Variants in PAPSS2 observed in about 807,000 individuals in gnomAD.
PAPSS2 encodes the protein 3'-phosphoadenosine 5'-phosphosulfate synthase 2, also known as bifunctional 3'-phosphoadenosine 5'-phosphosulfate synthase 2.
In PAPSS2, 61 loss-of-function variants were observed where a neutral mutation model predicts 66.5. The ratio of observed to expected loss-of-function variants is 0.92; its 90% CI spans 0.75 to 1.14. The LOEUF is 1.14. Ranked by LOEUF, PAPSS2 falls within the 50% of genes most tolerant of loss-of-function variation. The pLI is 0.00. For synonymous variants in PAPSS2, 289 were observed against 287.5 expected (o/e 1.01, Z -0.05); for missense variants, 708 against 789.6 (o/e 0.90, Z 1.24).
At chr10:87,709,114 T>A in intron 1 of PAPSS2, 82 bp from the exon 2 acceptor site, 1 of 919,526 alleles carries the variant, frequency 1.1e-6, no homozygotes, top group Non-Finnish European at 1.8e-6. Context: ...AATTAAAAGT[T>A]TAAGATGGAT....
intron 1 of PAPSS2, among the ~76,000 whole-genome samples, chr10:87,671,153 C>T (rs1394546079): frequency 1.3e-5 from 2 of 152,118 alleles, no homozygotes; most frequent in African/African-American, 4.8e-5. Flanking sequence ...AGCTGGAACA[C>T]AAGTGCCATG....
chr10:87,693,637 GT>G (rs1485636916), intron 1 of PAPSS2, among the ~76,000 whole-genome samples: 2 of 152,194 alleles, frequency 1.3e-5, no homozygotes, highest in African/African-American at 4.8e-5. Context: ...CAGTTCGGTC[GT>G]TTATTTAGAT....
intron 1 of PAPSS2, among the ~76,000 whole-genome samples, chr10:87,664,046 A>C (rs553193826): frequency 6.6e-6 from 1 of 152,202 alleles, no homozygotes; most frequent in African/African-American, 2.4e-5. Flanking sequence ...ACCTAGTACT[A>C]CAGGTGCACA....
chr10:87,676,849 G>A (rs1159314584), intron 1 of PAPSS2, among the ~76,000 whole-genome samples: 3 of 110,140 alleles, frequency 2.7e-5, no homozygotes, highest in Non-Finnish European at 5.0e-5. Flanking sequence ...CTCCAGTCTG[G>A]ATGACAGAAT....
At position 87,660,009 on chromosome 10, in the gene PAPSS2, G is replaced by A. The variant is rs753173395; in HGVS notation, c.27+1G>A. 3 of 1,612,812 alleles carry A rather than the reference G, an allele frequency of 1.9e-6. No individual in the cohort carries two copies. In the South Asian group the frequency reaches 3.3e-5, roughly 18 times the overall value. ...GTCGGGGATCAAGAAGCAAAAGACG[G>A]TAGGCTTCCAGGCGCCGGCTTCCCT... is the stretch of plus-strand genomic sequence containing the variant. On this transcript the variant is annotated splice_donor_variant, in intron 1 of 12. Coordinates refer to ENST00000456849, the MANE Select transcript of PAPSS2 (RefSeq NM_001015880.2). LOFTEE classifies it high-confidence loss of function.
chr10:87,727,525 C>T (rs1853675722), intron 9 of PAPSS2, 36 bp downstream of exon 9: 1 of 1,502,802 alleles, frequency 6.7e-7, no homozygotes, highest in Non-Finnish European at 9.2e-7. Flanking sequence ...CTTTCTTGAG[C>T]TATTTAAACT....
intron 9 of PAPSS2, among the ~76,000 whole-genome samples, chr10:87,740,295 G>T (rs201192654): frequency 7.5e-6 from 1 of 133,368 alleles, no homozygotes; most frequent in East Asian, 5.0e-4. Context: ...TAACACATGT[G>T]TGATGAGACT....
At chr10:87,726,135 C>G (rs1853656770) in intron 8 of PAPSS2, among the ~76,000 whole-genome samples, 2 of 152,220 alleles carry the variant, frequency 1.3e-5, no homozygotes, top group South Asian at 4.2e-4. Context: ...TGACTATAGT[C>G]AATAATAATT....
chr10:87,688,349 G>T (rs1853114228), intron 1 of PAPSS2, among the ~76,000 whole-genome samples: 2 of 151,618 alleles, frequency 1.3e-5, no homozygotes, highest in East Asian at 1.9e-4. Context: ...TCTCAGGATG[G>T]TAAAACCTTA....
intron 1 of PAPSS2, among the ~76,000 whole-genome samples, chr10:87,675,588 G>T (rs1412968354): frequency 6.6e-6 from 1 of 152,162 alleles, no homozygotes; most frequent in Non-Finnish European, 1.5e-5. Flanking sequence ...TCCCTGGTTA[G>T]GATTTACTTA....
At position 87,743,355 on chromosome 10, in the gene PAPSS2, T is replaced by A; in HGVS notation, c.1223-18T>A. ...CATGTGTTTCTGTGACCTTCCTTCT[T>A]CTGCTTTCCTCTCCCAGATGCGGTG... is the stretch of plus-strand genomic sequence containing the variant. On this transcript the variant is annotated intron_variant, in intron 10 of 12. Transcript: ENST00000456849. 1 of 1,612,770 alleles carries A rather than the reference T, an allele frequency of 6.2e-7. No individual in the cohort carries two copies. The highest frequency in any genetic ancestry group is 8.5e-7 in the Non-Finnish European group (1 of 1,179,820).
chr10:87,707,768 C>T (rs1290704539), intron 1 of PAPSS2, among the ~76,000 whole-genome samples: 1 of 151,870 alleles, frequency 6.6e-6, no homozygotes, highest in Admixed American at 6.6e-5. Context: ...GATGAGGTCT[C>T]ACTATGTTGC....
At chr10:87,728,858 G>A (rs1203684578) in intron 9 of PAPSS2, among the ~76,000 whole-genome samples, 2 of 152,130 alleles carry the variant, frequency 1.3e-5, no homozygotes, top group Non-Finnish European at 2.9e-5. Context: ...TTCCAAGATA[G>A]GAAAGACCTT....
intron 8 of PAPSS2, among the ~76,000 whole-genome samples, chr10:87,724,338 T>G (rs1853631716): frequency 6.6e-6 from 1 of 151,830 alleles, no homozygotes; most frequent in Non-Finnish European, 1.5e-5. Context: ...GACTCTGTCA[T>G]TATTAGTTTT....
At chr10:87,731,011 G>A (rs1853721273) in intron 9 of PAPSS2, among the ~76,000 whole-genome samples, 1 of 152,240 alleles carries the variant, frequency 6.6e-6, no homozygotes, top group Middle Eastern at 3.2e-3. Flanking sequence ...CAGATTTTCA[G>A]TGTAGAAGAA....
intron 1 of PAPSS2, among the ~76,000 whole-genome samples, chr10:87,702,959 A>G (rs1355338292): frequency 6.6e-6 from 1 of 152,092 alleles, no homozygotes; most frequent in African/African-American, 2.4e-5. Flanking sequence ...GCTCCCTGTC[A>G]CGACCCTCGG....
At chr10:87,705,024 C>T (rs1384865901) in intron 1 of PAPSS2, among the ~76,000 whole-genome samples, 1 of 152,212 alleles carries the variant, frequency 6.6e-6, no homozygotes, top group Non-Finnish European at 1.5e-5. Context: ...ATTTAGAATA[C>T]ATTCAGTGAG....
At chr10:87,742,551 A>T (rs985317456) in intron 10 of PAPSS2, among the ~76,000 whole-genome samples, 6 of 152,202 alleles carry the variant, frequency 3.9e-5, no homozygotes, top group African/African-American at 1.4e-4. Context: ...ATTCATTTTC[A>T]ATACTATAGA....
At chr10:87,732,218 T>G (rs1449602324) in intron 9 of PAPSS2, among the ~76,000 whole-genome samples, 2 of 152,222 alleles carry the variant, frequency 1.3e-5, no homozygotes, top group Non-Finnish European at 2.9e-5. Flanking sequence ...ATCATTAACA[T>G]TTTTAGCAAA....
Sources: allele counts gnomAD v4.1 joint callset (sites outside exome capture counted in the v4.1 genomes callset), GRCh38; gene constraint gnomAD v4.1.1; transcripts MANE v1.5; gene names NCBI Gene and HGNC (gene_info 2026-07-23, HGNC 2026-07-21).